The following L3MBTL4 variants were observed in gnomAD, a reference collection of about 807,000 sequenced individuals.
The protein encoded by L3MBTL4 is L3MBTL histone methyl-lysine binding protein 4.
L3MBTL4 carries 70 observed loss-of-function variants against 84.5 expected under a neutral mutation model. The ratio of observed to expected loss-of-function variants is 0.83; its 90% CI spans 0.68 to 1.01. L3MBTL4 has a LOEUF of 1.01. Among genes scored for constraint, L3MBTL4 ranks in the 50% least tolerant of loss-of-function variants. The pLI, the probability that L3MBTL4 is intolerant of heterozygous loss-of-function variation, is 0.00. For missense variants in L3MBTL4, 715 were observed against 754.8 expected (o/e 0.95, Z 0.62); for synonymous variants, 274 against 259.8 (o/e 1.05, Z -0.52).
intron 16 of L3MBTL4, among the ~76,000 whole-genome samples, chr18:6,024,194 G>C (rs1238570960): frequency 6.6e-6 from 1 of 152,240 alleles, no homozygotes; most frequent in South Asian, 2.1e-4. Flanking sequence ...TTCTTTGACA[G>C]CATTCTTTTG....
chr18:6,323,542 G>A (rs920586328), intron 1 of L3MBTL4, among the ~76,000 whole-genome samples: 10 of 152,238 alleles, frequency 6.6e-5, no homozygotes, highest in African/African-American at 2.4e-4. Flanking sequence ...TTGCTGCATT[G>A]TGACCTTGCC....
At chr18:6,383,058 G>A (rs1246541672) in intron 1 of L3MBTL4, among the ~76,000 whole-genome samples, 2 of 152,134 alleles carry the variant, frequency 1.3e-5, no homozygotes, top group African/African-American at 4.8e-5. Flanking sequence ...GCCTTGCTGA[G>A]TTTCAGTAGG....
At chr18:6,122,984 A>G (rs2059576049) in intron 14 of L3MBTL4, among the ~76,000 whole-genome samples, 1 of 152,212 alleles carries the variant, frequency 6.6e-6, no homozygotes, top group African/African-American at 2.4e-5. Flanking sequence ...CAACAATTTG[A>G]GTAATTCCAG....
intron 14 of L3MBTL4, among the ~76,000 whole-genome samples, chr18:6,106,979 A>G (rs1023032950): frequency 6.6e-6 from 1 of 152,202 alleles, no homozygotes; most frequent in African/African-American, 2.4e-5. Flanking sequence ...TGAAAGGCAA[A>G]TGTAGGCAAA....
At chr18:6,370,516 C>G (rs918808089) in intron 1 of L3MBTL4, among the ~76,000 whole-genome samples, 1 of 152,226 alleles carries the variant, frequency 6.6e-6, no homozygotes, top group African/African-American at 2.4e-5. Flanking sequence ...CCGTTCAGCA[C>G]AGCACAGTCC....
At chr18:6,196,418 A>G (rs1206360002) in intron 12 of L3MBTL4, among the ~76,000 whole-genome samples, 1 of 152,054 alleles carries the variant, frequency 6.6e-6, no homozygotes, top group Non-Finnish European at 1.5e-5. Flanking sequence ...TGGCCTCCCA[A>G]AATGCTGGGA....
At chr18:6,325,176 G>A (rs1420942316) in intron 1 of L3MBTL4, among the ~76,000 whole-genome samples, 1 of 152,062 alleles carries the variant, frequency 6.6e-6, no homozygotes, top group Non-Finnish European at 1.5e-5. Flanking sequence ...TAAGAGATAA[G>A]TTCATGTTAA....
At chr18:6,180,644 T>G (rs2044426463) in intron 12 of L3MBTL4, among the ~76,000 whole-genome samples, 1 of 152,248 alleles carries the variant, frequency 6.6e-6, no homozygotes, top group African/African-American at 2.4e-5. Flanking sequence ...TATTTTTATT[T>G]GTAAGGCCAC....
chr18:5,993,950 A>C (rs2053823133), intron 16 of L3MBTL4, among the ~76,000 whole-genome samples: 1 of 152,238 alleles, frequency 6.6e-6, no homozygotes, highest in Admixed American at 6.5e-5. Flanking sequence ...TGAAGGAATG[A>C]ATGAATAAGC....
chr18:6,241,323 G>A (rs763411898), intron 8 of L3MBTL4, 35 bp downstream of exon 8: 1 of 1,182,694 alleles, frequency 8.5e-7, no homozygotes, highest in Non-Finnish European at 1.2e-6. Flanking sequence ...AAGCTTGGGG[G>A]AAATTTGATT....
rs151311354 is a variant in L3MBTL4 at position 5,967,249 on chromosome 18, G to C, written c.1614+2144C>G. On this transcript the variant is annotated intron_variant, in intron 17 of 18. Coordinates refer to ENST00000317931, the MANE Select transcript of L3MBTL4 (RefSeq NM_001330559.2). The stretch of plus-strand genomic sequence containing the variant: ...GGGCCACAATGAGCATGGTGGGCAG[G>C]AAGTCAGCTCATGGCCTGGTTCTGA... 3.8e-3 allele frequency among the ~76,000 whole-genome samples: 578 copies of C among 152,336 alleles called. 3 individuals are homozygous for C. The highest frequency in any genetic ancestry group is 0.013 in the African/African-American group (541 of 41,576).
intron 16 of L3MBTL4, among the ~76,000 whole-genome samples, chr18:6,033,542 A>G (rs1216342225): frequency 6.6e-6 from 1 of 152,208 alleles, no homozygotes; most frequent in Non-Finnish European, 1.5e-5. Context: ...TTGCATTACA[A>G]TTATATTACA....
At chr18:6,374,640 C>G (rs2054292020) in intron 1 of L3MBTL4, among the ~76,000 whole-genome samples, 1 of 152,108 alleles carries the variant, frequency 6.6e-6, no homozygotes, top group South Asian at 2.1e-4. Context: ...TAAACTGGAG[C>G]CTGCGTGCTG....
Position 5,984,433 on chromosome 18 carries a change from C to G in L3MBTL4, c.1445-14871G>C, listed in dbSNP as rs573810873. On this transcript the variant is annotated intron_variant, in intron 16 of 18. Coordinates refer to ENST00000317931, the MANE Select transcript of L3MBTL4 (RefSeq NM_001330559.2). Reference sequence around the variant, plus strand: ...AAAAATGATTTCTCTTTAATGGCTTCCTCTTTTTAGTGGCTTCCATTATGC... The same window carrying G: ...AAAAATGATTTCTCTTTAATGGCTTGCTCTTTTTAGTGGCTTCCATTATGC... Among the ~76,000 whole-genome samples, 3 of 152,258 alleles carry G rather than the reference C, an allele frequency of 2.0e-5. No individual in the cohort carries two copies. The East Asian group carries it at 5.8e-4, about 29-fold the overall frequency.
chr18:6,299,371 T>C (rs374531090), intron 4 of L3MBTL4, among the ~76,000 whole-genome samples: 1 of 152,198 alleles, frequency 6.6e-6, no homozygotes, highest in Non-Finnish European at 1.5e-5. Context: ...TTTCTCTGCC[T>C]TTGTGTTAAT....
intron 16 of L3MBTL4, among the ~76,000 whole-genome samples, chr18:6,040,086 A>G (rs190466310): frequency 8.5e-5 from 13 of 152,346 alleles, no homozygotes; most frequent in African/African-American, 3.1e-4. Context: ...TCAAAAGGCC[A>G]GAAGAATATA....
intron 1 of L3MBTL4, among the ~76,000 whole-genome samples, chr18:6,329,028 C>T (rs1037803304): frequency 1.3e-5 from 2 of 152,160 alleles, no homozygotes; most frequent in Non-Finnish European, 2.9e-5. Context: ...GCTTCCAAAT[C>T]AAGAAACAGA....
intron 17 of L3MBTL4, among the ~76,000 whole-genome samples, chr18:5,965,518 C>A (rs527304424): frequency 6.6e-6 from 1 of 152,250 alleles, no homozygotes; most frequent in African/African-American, 2.4e-5. Flanking sequence ...CCTGAGCCCC[C>A]ACCAGTCCAG....
chr18:6,135,761 C>A (rs1186068646), intron 14 of L3MBTL4, among the ~76,000 whole-genome samples: 1 of 152,192 alleles, frequency 6.6e-6, no homozygotes, highest in Non-Finnish European at 1.5e-5. Context: ...CCAAACTTTA[C>A]CACATTTTCC....
Sources: allele counts gnomAD v4.1 joint callset (sites outside exome capture counted in the v4.1 genomes callset), GRCh38; gene constraint gnomAD v4.1.1; transcripts MANE v1.5; gene names NCBI Gene and HGNC (gene_info 2026-07-23, HGNC 2026-07-21).